Variants in STK32B observed in about 807,000 individuals in gnomAD.
STK32B encodes the protein serine/threonine kinase 32B.
A neutral mutation model predicts 52.6 loss-of-function variants in STK32B; 43 were observed. The observed-to-expected ratio is 0.82, with a 90% CI of 0.64 to 1.05. The LOEUF (loss-of-function observed/expected upper bound fraction) is 1.05, where lower values mean the gene tolerates loss of function less well. Ranked by LOEUF, STK32B falls within the 50% of genes least tolerant of loss-of-function variation. The pLI is 0.00. For synonymous variants in STK32B, 238 were observed against 204.3 expected (o/e 1.17, Z -1.41); for missense variants, 621 against 534.6 (o/e 1.16, Z -1.59).
At chr4:5,269,474 T>C (rs1454117044) in intron 3 of STK32B, among the ~76,000 whole-genome samples, 2 of 152,128 alleles carry the variant, frequency 1.3e-5, no homozygotes, top group Non-Finnish European at 2.9e-5. Flanking sequence ...AAAGGTAATA[T>C]ATACAGTGTT....
intron 3 of STK32B, among the ~76,000 whole-genome samples, chr4:5,206,299 G>A (rs1337276292): frequency 3.3e-5 from 5 of 152,196 alleles, no homozygotes; most frequent in South Asian, 2.1e-4. Flanking sequence ...CAGTAGGATG[G>A]TCCTAGGACA....
chr4:5,317,060 GATATAATATATT>G (rs1260921932), intron 3 of STK32B, among the ~76,000 whole-genome samples: 1 of 25,258 alleles, frequency 4.0e-5, no homozygotes, highest in Non-Finnish European at 5.5e-5. Context: ...TAATATATAT[GATATAATATATT>G]ATATATTATA....
chr4:5,362,899 A>G (rs949959669), intron 4 of STK32B, among the ~76,000 whole-genome samples: 1 of 152,020 alleles, frequency 6.6e-6, no homozygotes, highest in Non-Finnish European at 1.5e-5. Context: ...CATCAATTCA[A>G]CCTCCATACT....
chr4:5,139,515 G>GAGAATT (rs745478764), intron 1 of STK32B: 12 of 200,374 alleles, frequency 6.0e-5, no homozygotes, highest in Non-Finnish European at 1.1e-4. Flanking sequence ...GCATGAAGGG[G>GAGAATT]AGAATTGAGA....
At chr4:5,357,519 G>A (rs1025841590) in intron 4 of STK32B, among the ~76,000 whole-genome samples, 5 of 151,870 alleles carry the variant, frequency 3.3e-5, no homozygotes, top group African/African-American at 4.8e-5. Context: ...CCCAGATTGG[G>A]TTTTGCATTT....
chr4:5,318,991 A>G (rs1731303862), intron 3 of STK32B, among the ~76,000 whole-genome samples: 1 of 151,916 alleles, frequency 6.6e-6, no homozygotes, highest in Non-Finnish European at 1.5e-5. Context: ...TTTTTAGTAG[A>G]GATGGGGTTT....
rs144947968 is a variant in STK32B at position 5,486,651 on chromosome 4, G to C, written c.1107-12294G>C. On this transcript the variant is annotated intron_variant, in intron 11 of 11. Transcript: ENST00000282908. The stretch of plus-strand genomic sequence containing the variant: ...ACCTGGTACCTCAGTTGGAAATGCA[G>C]AAATCACCTGTCTTCTGCGTCGCTC... Among the ~76,000 whole-genome samples, 9 of 152,344 alleles carry C rather than the reference G, an allele frequency of 5.9e-5. No homozygotes were observed. The East Asian group carries it at 1.5e-3, about 26-fold the overall frequency.
intron 4 of STK32B, among the ~76,000 whole-genome samples, chr4:5,384,158 G>A (rs1435280148): frequency 6.6e-6 from 1 of 152,204 alleles, no homozygotes; most frequent in East Asian, 1.9e-4. Context: ...GAGGGGGTAG[G>A]CCCAGCTCAT....
intron 1 of STK32B, among the ~76,000 whole-genome samples, chr4:5,079,627 C>G (rs192392656): frequency 2.6e-5 from 4 of 152,266 alleles, no homozygotes; most frequent in Admixed American, 6.5e-5. Flanking sequence ...GAAACTCCAT[C>G]TTTTGAGAGG....
At chr4:5,228,999 C>A (rs563774992) in intron 3 of STK32B, among the ~76,000 whole-genome samples, 1 of 152,256 alleles carries the variant, frequency 6.6e-6, no homozygotes, top group African/African-American at 2.4e-5. Context: ...TTATACTCTA[C>A]TGTAGTATAT....
chr4:5,330,910 C>T (rs1161081555), intron 3 of STK32B, among the ~76,000 whole-genome samples: 15 of 152,148 alleles, frequency 9.9e-5, no homozygotes, highest in South Asian at 2.1e-4. Flanking sequence ...CTGCTAAAAA[C>T]GGATGAAGAA....
intron 11 of STK32B, among the ~76,000 whole-genome samples, chr4:5,488,205 G>A (rs959941518): frequency 6.6e-6 from 1 of 152,178 alleles, no homozygotes; most frequent in Non-Finnish European, 1.5e-5. Context: ...GGCTGAGGCT[G>A]GAGAATCACT....
chr4:5,157,989 T>C (rs533842464), intron 2 of STK32B, among the ~76,000 whole-genome samples: 1 of 152,332 alleles, frequency 6.6e-6, no homozygotes, highest in South Asian at 2.1e-4. Context: ...ATTCATTTCA[T>C]ATGAATTAGG....
intron 1 of STK32B, among the ~76,000 whole-genome samples, chr4:5,119,946 C>A (rs1353099117): frequency 6.6e-6 from 1 of 152,206 alleles, no homozygotes; most frequent in African/African-American, 2.4e-5. Context: ...ATTAGTCCCC[C>A]TTATCTGTGG....
intron 3 of STK32B, among the ~76,000 whole-genome samples, chr4:5,294,434 C>T (rs1432653885): frequency 6.6e-6 from 1 of 152,000 alleles, no homozygotes; most frequent in East Asian, 1.9e-4. Flanking sequence ...TTGTTTGTGT[C>T]CTCTCTTATT....
chr4:5,324,419 G>C (rs917998191), intron 3 of STK32B, among the ~76,000 whole-genome samples: 9 of 152,152 alleles, frequency 5.9e-5, no homozygotes, highest in African/African-American at 1.7e-4. Flanking sequence ...CACCACATCA[G>C]TGTTAACTGT....
At chr4:5,432,029 A>C (rs890621045) in intron 6 of STK32B, among the ~76,000 whole-genome samples, 1 of 152,238 alleles carries the variant, frequency 6.6e-6, no homozygotes, top group Non-Finnish European at 1.5e-5. Flanking sequence ...TCCATTCAGT[A>C]ATAATGAATT....
At chr4:5,170,069 A>G (rs1719233890) in intron 3 of STK32B, among the ~76,000 whole-genome samples, 1 of 152,202 alleles carries the variant, frequency 6.6e-6, no homozygotes, top group Non-Finnish European at 1.5e-5. Context: ...ACTAAGGAAA[A>G]GCACAATAAG....
intron 1 of STK32B, among the ~76,000 whole-genome samples, chr4:5,067,280 C>T (rs1330036882): frequency 2.0e-5 from 3 of 152,122 alleles, no homozygotes; most frequent in East Asian, 1.9e-4. Flanking sequence ...CCACTCGGTC[C>T]CTCCCCCAAC....
Sources: allele counts gnomAD v4.1 joint callset (sites outside exome capture counted in the v4.1 genomes callset), GRCh38; gene constraint gnomAD v4.1.1; transcripts MANE v1.5; gene names NCBI Gene and HGNC (gene_info 2026-07-23, HGNC 2026-07-21).